CTSD: variants seen among roughly 807,000 people sequenced by gnomAD.
CTSD encodes cathepsin D.
A neutral mutation model predicts 43.6 loss-of-function variants in CTSD; 28 were observed. The observed-to-expected ratio is 0.64, with a 90% CI of 0.48 to 0.88. The LOEUF (loss-of-function observed/expected upper bound fraction) is 0.88. CTSD is among the 40% of genes least tolerant of loss of function. CTSD has a pLI of 0.00. For synonymous variants in CTSD, 270 were observed against 249.8 expected (o/e 1.08, Z -0.76); for missense variants, 485 against 555.2 (o/e 0.87, Z 1.27).
intron 1 of CTSD, chr11:1,761,970 C>T (rs773239109): frequency 1.0e-5 from 2 of 195,446 alleles, no homozygotes; most frequent in African/African-American, 2.3e-5. Flanking sequence ...GAAGGTGGCC[C>T]CACCTCCAGG....
In CTSD at chr11:1,753,203, CG is replaced by C. The variant is rs1845748459; in HGVS notation, c.*299del. 1 of 462,616 alleles carries C rather than the reference CG, an allele frequency of 2.2e-6. No homozygotes were observed. The highest frequency in any genetic ancestry group is 2.1e-5 in the South Asian group (1 of 48,472). The allele number at this position is 462,616 out of a possible 1,614,324, so 28.7% of individuals were successfully genotyped here. Reference sequence around the variant, plus strand: ...GAGATGAAGGGAGCCCCAGGATACACGAGCTCGGCTGCCAAGCTTGGGTGGG... The same window carrying C: ...GAGATGAAGGGAGCCCCAGGATACACAGCTCGGCTGCCAAGCTTGGGTGGG... On this transcript the variant is annotated 3_prime_UTR_variant, in exon 9 of 9. Coordinates refer to ENST00000236671, the MANE Select transcript of CTSD (RefSeq NM_001909.5).
Position 1,763,910 on chromosome 11 carries a change from C to G in CTSD, c.-51G>C, listed in dbSNP as rs1415665260. The G allele has an allele frequency of 1.4e-6, 2 of 1,466,552 alleles. No homozygotes were observed. Among genetic ancestry groups the G allele is most frequent in the South Asian group, 1.3e-5 (1 of 79,974 alleles). 90.8% of individuals were successfully genotyped at this position (1,466,552 alleles called of 1,614,324 possible). A position where few individuals can be genotyped will look rare whatever the true frequency, so the allele number is the denominator to read the frequency against. On this transcript the variant is annotated 5_prime_UTR_variant, in exon 1 of 9. Coordinates refer to ENST00000236671, the MANE Select transcript of CTSD (RefSeq NM_001909.5). ...GTCGCCGAGGCCGTGCGCTTATAGC[C>G]GGGATGACGCCGCAGTTGGGCCGGA...
rs777691370 is a variant in CTSD at position 1,763,909 on chromosome 11, C to G, written c.-50G>C. The G allele has an allele frequency of 2.0e-6, 3 of 1,471,218 alleles. No individual in the cohort carries two copies. Among genetic ancestry groups the G allele is most frequent in the Non-Finnish European group, 2.7e-6 (3 of 1,101,990 alleles). 91.1% of individuals were successfully genotyped at this position (1,471,218 alleles called of 1,614,324 possible). ...GGTCGCCGAGGCCGTGCGCTTATAGCCGGGATGACGCCGCAGTTGGGCCGG... is the reference window on the plus strand; with the variant it reads ...GGTCGCCGAGGCCGTGCGCTTATAGGCGGGATGACGCCGCAGTTGGGCCGG... On this transcript the variant is annotated 5_prime_UTR_variant, in exon 1 of 9. Coordinates refer to ENST00000236671, the MANE Select transcript of CTSD (RefSeq NM_001909.5).
In CTSD at chr11:1,757,318, G is replaced by A. The variant is rs370847523; in HGVS notation, c.704+6C>T. On this transcript the variant is annotated splice_donor_region_variant and intron_variant, in intron 5 of 8. Coordinates refer to ENST00000236671, the MANE Select transcript of CTSD (RefSeq NM_001909.5). ...ACGCGGAGCGAGAGGGAACCCACAC[G>A]CCCACCTGCTCAGGTAGAAGGAGAA... The A allele has an allele frequency of 6.0e-5, 96 of 1,610,420 alleles. No individual in the cohort carries two copies. The highest frequency in any genetic ancestry group is 7.6e-5 in the Non-Finnish European group (89 of 1,177,418).
In CTSD at chr11:1,753,160, C is replaced by T. The variant is rs1031673476; in HGVS notation, c.*343G>A. On this transcript the variant is annotated 3_prime_UTR_variant, in exon 9 of 9. Coordinates refer to ENST00000236671, the MANE Select transcript of CTSD (RefSeq NM_001909.5). The stretch of plus-strand genomic sequence containing the variant: ...TCAGCCCAGCGGGCGCTGGTAGGGC[C>T]GGGGAGGGGACTCCCTGGAGATGAA... 4 of 379,520 alleles carry T rather than the reference C, an allele frequency of 1.1e-5. No homozygotes were observed. The highest frequency in any genetic ancestry group is 3.8e-5 in the Admixed American group (1 of 26,110). The allele number at this position is 379,520 out of a possible 1,614,324, so 23.5% of individuals were successfully genotyped here. A position where few individuals can be genotyped will look rare whatever the true frequency, so the allele number is the denominator to read the frequency against.
chr11:1,753,191 C>G lies in CTSD; in HGVS notation c.*312G>C, dbSNP rs369019007. The G allele has an allele frequency of 5.9e-4, 257 of 435,618 alleles. No homozygotes were observed. The highest frequency in any genetic ancestry group is 4.6e-3 in the African/African-American group (228 of 49,878). The allele number at this position is 435,618 out of a possible 1,614,324, so 27.0% of individuals were successfully genotyped here. A position where few individuals can be genotyped will look rare whatever the true frequency, so the allele number is the denominator to read the frequency against. ...GGGGACTCCCTGGAGATGAAGGGAG[C>G]CCCAGGATACACGAGCTCGGCTGCC... On this transcript the variant is annotated 3_prime_UTR_variant, in exon 9 of 9. Coordinates refer to ENST00000236671, the MANE Select transcript of CTSD (RefSeq NM_001909.5).
rs1845751642 is a variant in CTSD at position 1,753,408 on chromosome 11, G to C, written c.*95C>G. 3 of 1,455,970 alleles carry C rather than the reference G, an allele frequency of 2.1e-6. No homozygotes were observed. The highest frequency in any genetic ancestry group is 1.1e-5 in the South Asian group (1 of 87,590). 90.2% of individuals were successfully genotyped at this position (1,455,970 alleles called of 1,614,324 possible). A position where few individuals can be genotyped will look rare whatever the true frequency, so the allele number is the denominator to read the frequency against. On this transcript the variant is annotated 3_prime_UTR_variant, in exon 9 of 9. Transcript: ENST00000236671. Reference sequence around the variant, plus strand: ...GGCGCCCAGGACAGTGGGCGGGCGAGTGTGTGGGTGTGTGTGGGAGGGGCC... The same window carrying C: ...GGCGCCCAGGACAGTGGGCGGGCGACTGTGTGGGTGTGTGTGGGAGGGGCC...
chr11:1,761,294 A>C lies in CTSD; in HGVS notation c.228+15T>G. 1 of 1,613,526 alleles carries C rather than the reference A, an allele frequency of 6.2e-7. No homozygotes were observed. The highest frequency in any genetic ancestry group is 8.5e-7 in the Non-Finnish European group (1 of 1,179,936). On this transcript the variant is annotated intron_variant, in intron 2 of 8. Transcript: ENST00000236671. ...AGTGGCTCCGCTTGCAGCAGGGCTAAGACCTCATACTCACGTCCATGTAGT... is the reference window on the plus strand; with the variant it reads ...AGTGGCTCCGCTTGCAGCAGGGCTACGACCTCATACTCACGTCCATGTAGT...
chr11:1,761,212 C>A (rs1247996605), intron 2 of CTSD, 97 bp downstream of exon 2: 3 of 1,418,310 alleles, frequency 2.1e-6, no homozygotes, highest in South Asian at 1.2e-5. Context: ...ACTCAAACTG[C>A]GCTGCTGAGA....
chr11:1,757,211 C>T (rs1280744580), intron 5 of CTSD, 113 bp downstream of exon 5: 3 of 934,816 alleles, frequency 3.2e-6, no homozygotes, highest in African/African-American at 1.6e-5. Context: ...GTCAGGAGCT[C>T]TGGCACAGCA....
At position 1,757,655 on chromosome 11, in the gene CTSD, C is replaced by T. The variant is rs72850956; in HGVS notation, c.472-99G>A. On this transcript the variant is annotated intron_variant, in intron 4 of 8. Coordinates refer to ENST00000236671, the MANE Select transcript of CTSD (RefSeq NM_001909.5). ...AAACCCAGTTCAATGGATGCCCATC[C>T]CACACACGATGGGGCCCAGAGGGCC... 79,945 of 990,506 alleles carry T rather than the reference C, an allele frequency of 0.081. 3,553 individuals are homozygous for T. Among genetic ancestry groups the T allele is most frequent in the Middle Eastern group, 0.14 (591 of 4,196 alleles). 61.4% of individuals were successfully genotyped at this position (990,506 alleles called of 1,614,324 possible). A position where few individuals can be genotyped will look rare whatever the true frequency, so the allele number is the denominator to read the frequency against.
intron 1 of CTSD, 98 bp downstream of exon 1, chr11:1,763,694 C>A: frequency 5.1e-6 from 6 of 1,166,710 alleles, no homozygotes; most frequent in Non-Finnish European, 7.0e-6. Flanking sequence ...GCAAGGGGCT[C>A]GTGGGGGCCA....
At chr11:1,761,897 T>A in intron 1 of CTSD, 2 of 300,666 alleles carry the variant, frequency 6.7e-6, no homozygotes, top group South Asian at 6.0e-5. Context: ...CCCAAAGTGC[T>A]CTGAGGCAGC....
intron 3 of CTSD, 63 bp from the exon 4 acceptor site, chr11:1,759,150 C>T (rs1845844629): frequency 1.6e-6 from 2 of 1,251,876 alleles, no homozygotes; most frequent in South Asian, 1.2e-5. Context: ...CCTTAGCCCT[C>T]CCATCCCCCT....
intron 1 of CTSD, 21 bp downstream of exon 1, chr11:1,763,771 C>T: frequency 6.6e-7 from 1 of 1,522,206 alleles, no homozygotes; most frequent in Non-Finnish European, 8.8e-7. Flanking sequence ...CGTCCCTGAG[C>T]CCCGGCCCCT....
rs925438886 is a variant in CTSD at position 1,753,305 on chromosome 11, C to A, written c.*198G>T. ...CCAAACAGATGGAGAGACAGACAGG[C>A]AGGCAGCATTTCTGAACCCAGGGAG... On this transcript the variant is annotated 3_prime_UTR_variant, in exon 9 of 9. Transcript: ENST00000236671. 3.1e-6 allele frequency: 2 copies of A among 650,406 alleles called. No homozygotes were observed. The highest frequency in any genetic ancestry group is 3.6e-5 in the African/African-American group (2 of 55,580). The allele number at this position is 650,406 out of a possible 1,614,324, so 40.3% of individuals were successfully genotyped here. A position where few individuals can be genotyped will look rare whatever the true frequency, so the allele number is the denominator to read the frequency against.
chr11:1,757,273 C>G, intron 5 of CTSD, 51 bp downstream of exon 5: 2 of 1,495,162 alleles, frequency 1.3e-6, no homozygotes, highest in Non-Finnish European at 1.8e-6. Context: ...CCCCGTCCAG[C>G]CCCGCCCTGC....
rs1033954198 is a variant in CTSD, at chr11:1,759,430, G to T, written c.352+86C>A. 16 of 1,581,952 alleles carry T rather than the reference G, an allele frequency of 1.0e-5. No homozygotes were observed. The African/African-American group carries it at 1.5e-4, about 15-fold the overall frequency. On this transcript the variant is annotated intron_variant, in intron 3 of 8. Coordinates refer to ENST00000236671, the MANE Select transcript of CTSD (RefSeq NM_001909.5). ...CGGGGCCAAGAGGCAGGAGAATTGC[G>T]TTGCCCAAGTGATTCCTGAGGCAGC...
rs954546921 is a variant in CTSD, at chr11:1,753,604, C to T, written c.1138G>A (p.Gly380Arg). 2.1e-5 allele frequency: 34 copies of T among 1,612,908 alleles called. No homozygotes were observed. The highest frequency in any genetic ancestry group is 2.5e-5 in the Non-Finnish European group (29 of 1,179,924). Residue 380 changes from glycine (G) to arginine (R), a missense_variant, in exon 9 of 9, where the codon GGG (glycine) becomes AGG (arginine). Transcript: ENST00000236671. ...FMGMDIPPPS[G>R]PLWILGDVFI... is the part of the protein sequence containing the mutation. Reference sequence around the variant, plus strand: ...ACGTCGCCCAGGATCCAGAGTGGCCCGCTGGGTGGCGGGATGTCCATGCCC... The same window carrying T: ...ACGTCGCCCAGGATCCAGAGTGGCCTGCTGGGTGGCGGGATGTCCATGCCC...
Sources: allele counts gnomAD v4.1 joint callset, GRCh38; gene constraint gnomAD v4.1.1; transcripts MANE v1.5; gene names NCBI Gene and HGNC (gene_info 2026-07-23, HGNC 2026-07-21).